The following GPM6B variants were observed in gnomAD, a reference collection of about 807,000 sequenced individuals.
GPM6B encodes glycoprotein M6B.
GPM6B carries 4 observed loss-of-function variants against 27.2 expected under a neutral mutation model. The observed-to-expected ratio is 0.15, with a 90% confidence interval of 0.07 to 0.34. The LOEUF (loss-of-function observed/expected upper bound fraction) is 0.34, where lower values mean the gene tolerates loss of function less well. GPM6B is among the 10% of genes least tolerant of loss of function. The pLI, the probability that GPM6B is intolerant of heterozygous loss-of-function variation, is 1.00. For synonymous variants in GPM6B, 124 were observed against 103.1 expected (o/e 1.20, Z -1.23); for missense variants, 183 against 261.9 (o/e 0.70, Z 2.08).
chrX:13,799,369 C>T (rs2048877295), intron 2 of GPM6B, among the ~76,000 whole-genome samples: 1 of 102,843 alleles, frequency 9.7e-6, no homozygotes, highest in South Asian at 4.8e-4. Context: ...CCCACCAATA[C>T]TCCCGGCTGA....
At chrX:13,864,595 T>C (rs950595843) in intron 1 of GPM6B, among the ~76,000 whole-genome samples, 1 of 112,512 alleles carries the variant, frequency 8.9e-6, no homozygotes, top group Non-Finnish European at 1.9e-5. Flanking sequence ...TTTAGAGGAT[T>C]TGGATGATGT....
intron 1 of GPM6B, among the ~76,000 whole-genome samples, chrX:13,876,793 G>T (rs905804797): frequency 2.7e-5 from 3 of 110,712 alleles, no homozygotes; most frequent in Non-Finnish European, 5.7e-5. Flanking sequence ...ATTATAAAGT[G>T]CTGTATGTCC....
At chrX:13,824,643 G>C (rs1379793575) in intron 1 of GPM6B, among the ~76,000 whole-genome samples, 1 of 111,729 alleles carries the variant, frequency 9.0e-6, no homozygotes, top group African/African-American at 3.3e-5. Context: ...GGAAGAGGTG[G>C]GGACTGCATA....
intron 1 of GPM6B, among the ~76,000 whole-genome samples, chrX:13,900,715 A>T (rs908579188): frequency 8.9e-6 from 1 of 112,110 alleles, no homozygotes; most frequent in African/African-American, 3.2e-5. Flanking sequence ...AAGCTGCTTA[A>T]CTTTTAAATC....
chrX:13,877,352 C>T, intron 1 of GPM6B, among the ~76,000 whole-genome samples: 1 of 111,711 alleles, frequency 9.0e-6, no homozygotes, highest in East Asian at 2.8e-4. Flanking sequence ...TTCCTTAGGA[C>T]ATCTGATAAA....
chrX:13,797,391 G>C lies in GPM6B; in HGVS notation c.181+10259C>G, dbSNP rs183532796. ...CTAAGGCAAAGGTTTATGGATGGCA[G>C]GAGGTGAAGAGGCCTTGAAGAACAG... On this transcript the variant is annotated intron_variant, in intron 2 of 7. Transcript: ENST00000316715. Among the ~76,000 whole-genome samples, 19 of 112,003 alleles carry C rather than the reference G, an allele frequency of 1.7e-4. No individual in the cohort carries two copies. The East Asian group carries it at 4.8e-3, about 28-fold the overall frequency.
chrX:13,826,754 T>G (rs2049378879), intron 1 of GPM6B, among the ~76,000 whole-genome samples: 1 of 110,232 alleles, frequency 9.1e-6, no homozygotes, highest in African/African-American at 3.3e-5. Context: ...TTTTGTTTTT[T>G]TTTTAAAGGA....
chrX:13,849,197 G>GAGA (rs2049685159), intron 1 of GPM6B, among the ~76,000 whole-genome samples: 1 of 112,743 alleles, frequency 8.9e-6, no homozygotes, highest in African/African-American at 3.2e-5. Context: ...AGTAAGCATA[G>GAGA]TAATCCACAT....
intron 1 of GPM6B, among the ~76,000 whole-genome samples, chrX:13,876,084 G>C (rs139361531): frequency 1.3e-3 from 141 of 112,379 alleles, no homozygotes; most frequent in African/African-American, 3.8e-3. Flanking sequence ...CGATGAAAAA[G>C]ACATGCTGAG....
At chrX:13,867,397 G>A (rs761433984) in intron 1 of GPM6B, among the ~76,000 whole-genome samples, 52 of 112,449 alleles carry the variant, frequency 4.6e-4, no homozygotes, top group African/African-American at 1.4e-3. Flanking sequence ...AGCGTGAGCC[G>A]CTGTGCCTGG....
chrX:13,894,279 A>G (rs974455735), intron 1 of GPM6B, among the ~76,000 whole-genome samples: 9 of 112,023 alleles, frequency 8.0e-5, no homozygotes, highest in South Asian at 3.8e-4. Context: ...CATCACAGCC[A>G]CTGTATGAAT....
At chrX:13,856,588 G>A (rs1241698479) in intron 1 of GPM6B, among the ~76,000 whole-genome samples, 2 of 112,132 alleles carry the variant, frequency 1.8e-5, no homozygotes, top group Non-Finnish European at 3.8e-5. Flanking sequence ...GAATGACCAC[G>A]GATTTAATCG....
At chrX:13,934,687 G>A (rs1013950189) in intron 1 of GPM6B, among the ~76,000 whole-genome samples, 6 of 112,065 alleles carry the variant, frequency 5.4e-5, no homozygotes, top group Non-Finnish European at 9.4e-5. Context: ...CTGTTTTCTC[G>A]TGGTTTTCAA....
In GPM6B at chrX:13,783,482, G is replaced by A. The variant is rs1367278514; in HGVS notation, c.408C>T (p.Ser136=). Residue 136 remains serine, a synonymous_variant, in exon 4 of 8, where the codon TCC becomes TCT. Transcript: ENST00000316715. ...LMQYVIYGIA[S]FFFLYGIILL... ...GAATGATCCCATACAAGAAGAAAAA[G>A]GACGCAATTCCATAGATGACATACT... is the stretch of plus-strand genomic sequence containing the variant. 4.2e-6 allele frequency: 5 copies of A among 1,203,898 alleles called. No homozygotes were observed. The highest frequency in any genetic ancestry group is 2.2e-5 in the Admixed American group (1 of 45,543).
intron 1 of GPM6B, among the ~76,000 whole-genome samples, chrX:13,826,781 C>T (rs1431264852): frequency 9.1e-6 from 1 of 109,864 alleles, no homozygotes; most frequent in Non-Finnish European, 1.9e-5. Context: ...CTATTTCTTC[C>T]TGTGTACACA....
At chrX:13,897,663 T>C (rs1411157095) in intron 1 of GPM6B, among the ~76,000 whole-genome samples, 1 of 111,948 alleles carries the variant, frequency 8.9e-6, no homozygotes, top group African/African-American at 3.2e-5. Flanking sequence ...ATCTTCAATC[T>C]GTGGATAATA....
chrX:13,914,744 T>G (rs982356928), intron 1 of GPM6B, among the ~76,000 whole-genome samples: 3 of 112,321 alleles, frequency 2.7e-5, no homozygotes, highest in Admixed American at 9.4e-5. Flanking sequence ...AAATTAGGTG[T>G]GTTTTATTAA....
intron 1 of GPM6B, among the ~76,000 whole-genome samples, chrX:13,932,479 T>C (rs769698570): frequency 8.0e-5 from 9 of 112,396 alleles, no homozygotes; most frequent in Non-Finnish European, 1.7e-4. Flanking sequence ...TGTGGTTATT[T>C]GAGAACAGAG....
At chrX:13,801,195 T>G (rs1346643759) in intron 2 of GPM6B, among the ~76,000 whole-genome samples, 1 of 111,312 alleles carries the variant, frequency 9.0e-6, no homozygotes, top group Non-Finnish European at 1.9e-5. Flanking sequence ...CTTGGTTTAT[T>G]ATGGGAAAAC....
Sources: gnomAD v4.1 joint callset for allele counts (sites outside exome capture counted in the v4.1 genomes callset) on GRCh38, gnomAD v4.1.1 for gene constraint, MANE v1.5 for transcripts, NCBI Gene and HGNC (gene_info 2026-07-23, HGNC 2026-07-21) for gene names.